RMND1: variants seen among roughly 807,000 people sequenced by gnomAD.
The protein encoded by RMND1 is required for meiotic nuclear division 1 homolog, also known as required for meiotic nuclear division protein 1 homolog.
A neutral mutation model predicts 54.0 loss-of-function variants in RMND1; 41 were observed. The ratio of observed to expected loss-of-function variants is 0.76; its 90% CI spans 0.59 to 0.98. The LOEUF (loss-of-function observed/expected upper bound fraction) is 0.98. Among genes scored for constraint, RMND1 ranks in the 50% least tolerant of loss-of-function variants. The pLI, the probability that RMND1 is intolerant of heterozygous loss-of-function variation, is 0.00. For synonymous variants in RMND1, 183 were observed against 181.7 expected, an observed-to-expected ratio of 1.01 and a Z score of -0.06; for missense variants, 457 against 532.0, an observed-to-expected ratio of 0.86 and a Z score of 1.39.
intron 7 of RMND1, among the ~76,000 whole-genome samples, chr6:151,422,854 C>G (rs1780193845): frequency 6.6e-6 from 1 of 152,148 alleles, no homozygotes; most frequent in African/African-American, 2.4e-5. Flanking sequence ...TCTTGATTTT[C>G]TAGTATTACA....
chr6:151,413,881 T>C (rs1490847847), intron 10 of RMND1: 1 of 152,208 alleles, frequency 6.6e-6, no homozygotes, highest in East Asian at 1.9e-4. Flanking sequence ...GGTGATGATC[T>C]CTACTGTCCT....
chr6:151,442,348 TTTCTA>T (rs1582967607), intron 2 of RMND1, among the ~76,000 whole-genome samples: 2 of 152,152 alleles, frequency 1.3e-5, no homozygotes, highest in South Asian at 4.1e-4. Flanking sequence ...ATTCTGTTAT[TTTCTA>T]TTCTATTTCA....
chr6:151,415,764 G>A, intron 10 of RMND1, among the ~76,000 whole-genome samples: 1 of 140,262 alleles, frequency 7.1e-6, no homozygotes, highest in East Asian at 2.1e-4. Flanking sequence ...CTGCACTCCA[G>A]CCTGGGCAAC....
At chr6:151,441,771 C>G (rs905348099) in intron 2 of RMND1, among the ~76,000 whole-genome samples, 1 of 152,178 alleles carries the variant, frequency 6.6e-6, no homozygotes, top group Admixed American at 6.5e-5. Context: ...TCACTCTGTG[C>G]ACCTCTACAT....
intron 1 of RMND1, among the ~76,000 whole-genome samples, chr6:151,451,067 A>G (rs1781171638): frequency 6.6e-6 from 1 of 152,090 alleles, no homozygotes; most frequent in African/African-American, 2.4e-5. Context: ...AACACTGCGG[A>G]AGGCCGCAGG....
At chr6:151,435,603 G>A (rs1246137871) in intron 3 of RMND1, among the ~76,000 whole-genome samples, 2 of 150,380 alleles carry the variant, frequency 1.3e-5, no homozygotes, top group Admixed American at 6.6e-5. Flanking sequence ...ATTTTTAGTA[G>A]AGACAGGGGT....
At chr6:151,451,174 C>A (rs1403902178) in intron 1 of RMND1, among the ~76,000 whole-genome samples, 1 of 138,374 alleles carries the variant, frequency 7.2e-6, no homozygotes, top group African/African-American at 2.7e-5. Flanking sequence ...TCCCCCTCTG[C>A]GAGAAACACC....
At chr6:151,451,065 G>A (rs1196866733) in intron 1 of RMND1, among the ~76,000 whole-genome samples, 5 of 151,948 alleles carry the variant, frequency 3.3e-5, no homozygotes, top group Non-Finnish European at 5.9e-5. Flanking sequence ...CAAACACTGC[G>A]GAAGGCCGCA....
chr6:151,423,545 G>A lies in RMND1; in HGVS notation c.917C>T (p.Ser306Phe). ...DDAILEKFAF[S>F]NALCLSVKLA... ...CTTACCAGAAAGGCATAGAGCATTG[G>A]AGAAAGCAAACTTCTCTAGAATGGC... Residue 306 changes from serine (S) to phenylalanine (F), a missense_variant, in exon 7 of 12, where the codon TCC becomes TTC. Physicochemically the swap from Ser to Phe is radical, Grantham distance 155 (BLOSUM62 -2). Coordinates refer to ENST00000444024, the MANE Select transcript of RMND1 (RefSeq NM_017909.4). 1 of 1,611,928 alleles carries A rather than the reference G, an allele frequency of 6.2e-7. No homozygotes were observed. The highest frequency in any genetic ancestry group is 8.5e-7 in the Non-Finnish European group (1 of 1,178,026).
At chr6:151,406,799 T>C (rs887104969) in intron 10 of RMND1, among the ~76,000 whole-genome samples, 1 of 152,186 alleles carries the variant, frequency 6.6e-6, no homozygotes, top group Non-Finnish European at 1.5e-5. Flanking sequence ...GAATCACAGG[T>C]ACGTGTTCAG....
Position 151,445,526 on chromosome 6 carries a change from G to C in RMND1, c.286C>G (p.Pro96Ala). 6.2e-7 allele frequency: 1 copy of C among 1,614,236 alleles called. No individual in the cohort carries two copies. ...TGAGTACCAAAGGATTTCATGGTTG[G>C]AAGGTGTGCCTTTTCATCTTGGCAA... is the stretch of plus-strand genomic sequence containing the variant. ...ARCQDEKAHL[P>A]TMKSFGTHRR... Residue 96 changes from proline (P) to alanine (A), a missense_variant, in exon 2 of 12, where the codon CCA (proline) becomes GCA (alanine). Coordinates refer to ENST00000444024, the MANE Select transcript of RMND1 (RefSeq NM_017909.4).
chr6:151,450,332 G>C (rs1293147700), intron 1 of RMND1, among the ~76,000 whole-genome samples: 1 of 150,322 alleles, frequency 6.7e-6, no homozygotes, highest in Non-Finnish European at 1.5e-5. Context: ...CCTCCGCCCG[G>C]CAGCCACCCC....
At chr6:151,437,505 C>T (rs971790684) in intron 2 of RMND1, among the ~76,000 whole-genome samples, 4 of 152,114 alleles carry the variant, frequency 2.6e-5, no homozygotes, top group Non-Finnish European at 2.9e-5. Context: ...AACAATAATG[C>T]CTACTTTATG....
chr6:151,417,362 G>A lies in RMND1; in HGVS notation c.1117C>T (p.Pro373Ser). Residue 373 changes from proline to serine, a missense_variant, in exon 10 of 12, where the codon CCT (proline) becomes TCT (serine). Coordinates refer to ENST00000444024, the MANE Select transcript of RMND1 (RefSeq NM_017909.4). Reference protein sequence around the residue: ...INLSSDFLITPDFYWDRENLE... With the variant: ...INLSSDFLITSDFYWDRENLE... ...TTTTCTCTGTCCCAGTAGAAATCAG[G>A]AGTAATCAGGAAGTCTGAACTCAAG... The A allele has an allele frequency of 6.2e-7, 1 of 1,612,122 alleles. No individual in the cohort carries two copies.
At chr6:151,437,275 A>C (rs1780641140) in intron 2 of RMND1, among the ~76,000 whole-genome samples, 2 of 152,254 alleles carry the variant, frequency 1.3e-5, no homozygotes, top group Admixed American at 1.3e-4. Flanking sequence ...AATAAAACTA[A>C]ATAGAAAATA....
At chr6:151,424,224 G>C (rs1044081998) in intron 6 of RMND1, among the ~76,000 whole-genome samples, 4 of 152,040 alleles carry the variant, frequency 2.6e-5, no homozygotes, top group African/African-American at 7.2e-5. Flanking sequence ...ACTCCGGGAG[G>C]CCGAGGCAGG....
At chr6:151,429,266 T>C (rs1373657790) in intron 5 of RMND1, among the ~76,000 whole-genome samples, 1 of 151,938 alleles carries the variant, frequency 6.6e-6, no homozygotes, top group African/African-American at 2.4e-5. Flanking sequence ...GGATTACAGG[T>C]GTGCACCACC....
intron 10 of RMND1, 84 bp from the exon 11 acceptor site, chr6:151,405,920 A>T: frequency 1.5e-6 from 1 of 662,762 alleles, no homozygotes; most frequent in South Asian, 1.9e-5. Flanking sequence ...ATACAGTGAA[A>T]AATCCTGCTC....
At chr6:151,424,871 A>G (rs1780250945) in intron 6 of RMND1, among the ~76,000 whole-genome samples, 1 of 148,626 alleles carries the variant, frequency 6.7e-6, no homozygotes, top group African/African-American at 2.5e-5. Flanking sequence ...GGAGGGGGAC[A>G]AGGGGCCTGA....
Sources: gnomAD v4.1 joint callset for allele counts (sites outside exome capture counted in the v4.1 genomes callset) on GRCh38, gnomAD v4.1.1 for gene constraint, MANE v1.5 for transcripts, NCBI Gene and HGNC (gene_info 2026-07-23, HGNC 2026-07-21) for gene names.